Variants in CRPPA observed in about 807,000 individuals in gnomAD.
CRPPA encodes CDP-L-ribitol pyrophosphorylase A.
Under a neutral mutation model 52.0 loss-of-function variants are expected in CRPPA, and 43 were observed. The observed-to-expected ratio is 0.83, with a 90% CI of 0.65 to 1.07. The LOEUF (loss-of-function observed/expected upper bound fraction) is 1.07, where lower values mean the gene tolerates loss of function less well. CRPPA is among the 50% of genes least tolerant of loss of function. The probability of loss-of-function intolerance (pLI) is 0.00; values close to 1 mark genes in which losing one functional copy is unlikely to be tolerated. For synonymous variants in CRPPA, 250 were observed against 203.5 expected (o/e 1.23, Z -1.94); for missense variants, 629 against 551.7 (o/e 1.14, Z -1.40).
chr7:16,109,711 T>C (rs527851842), intron 9 of CRPPA, among the ~76,000 whole-genome samples: 2 of 152,078 alleles, frequency 1.3e-5, no homozygotes, highest in South Asian at 4.1e-4. Context: ...GAAAAAACCA[T>C]ATAATCTCAT....
In CRPPA at chr7:16,154,061, C is replaced by T. The variant is rs73302981; in HGVS notation, c.1251+62005G>A. ...TGGCTCTCAGGTCATCTCGTATGGT[C>T]AAGTAAACTACTAATAGGCAGTAGT... On this transcript the variant is annotated intron_variant, in intron 9 of 9. Coordinates refer to ENST00000407010, the MANE Select transcript of CRPPA (RefSeq NM_001101426.4). Among the ~76,000 whole-genome samples, 437 of 149,050 alleles carry T rather than the reference C, an allele frequency of 2.9e-3. 2 individuals carry two copies. Among genetic ancestry groups the T allele is most frequent in the African/African-American group, 0.011 (425 of 40,344 alleles).
chr7:16,154,858 A>G (rs1241661465), intron 9 of CRPPA, among the ~76,000 whole-genome samples: 1 of 148,150 alleles, frequency 6.7e-6, no homozygotes, highest in East Asian at 2.0e-4. Context: ...CCCAGGCTGG[A>G]GCGCAGTGGC....
rs892144313 is a variant in CRPPA at position 16,088,171 on chromosome 7, T to C, written c.*3524A>G. 1.3e-5 allele frequency: 2 copies of C among 152,192 alleles called. No individual in the cohort carries two copies. The highest frequency in any genetic ancestry group is 2.4e-5 in the African/African-American group (1 of 41,454). The allele number at this position is 152,192 out of a possible 1,614,324, so 9.4% of individuals were successfully genotyped here. ...ATTAATCAAACCATTACTCACGCTA[T>C]GATGAACTCCTAAGACGACTAACTT... is the stretch of plus-strand genomic sequence containing the variant. On this transcript the variant is annotated 3_prime_UTR_variant, in exon 10 of 10. Transcript: ENST00000407010.
chr7:16,244,541 A>ATT (rs1783214740), intron 8 of CRPPA, among the ~76,000 whole-genome samples: 1 of 152,206 alleles, frequency 6.6e-6, no homozygotes, highest in African/African-American at 2.4e-5. Context: ...TTTCATCAGT[A>ATT]TTGTATGCTG....
rs1256740445 is a variant in CRPPA at position 16,234,200 on chromosome 7, TG to T, written c.1120-18004del. Among the ~76,000 whole-genome samples the T allele has an allele frequency of 7.2e-5, 11 of 152,290 alleles. 1 individual carries two copies. Among genetic ancestry groups the T allele is most frequent in the African/African-American group, 2.6e-4 (11 of 41,588 alleles). On this transcript the variant is annotated intron_variant, in intron 8 of 9. Transcript: ENST00000407010. The stretch of plus-strand genomic sequence containing the variant: ...GTAGCGATCCATTTAAAATTTATTC[TG>T]GGTTAAATAAAGGATGCTATCTCCA...
At chr7:16,122,523 C>T (rs773450963) in intron 9 of CRPPA, among the ~76,000 whole-genome samples, 14 of 152,002 alleles carry the variant, frequency 9.2e-5, no homozygotes, top group Non-Finnish European at 1.0e-4. Flanking sequence ...TAAAAACATA[C>T]TCCTCTTACA....
intron 2 of CRPPA, among the ~76,000 whole-genome samples, chr7:16,386,022 G>GC (rs1191514359): frequency 6.6e-6 from 1 of 152,230 alleles, no homozygotes; most frequent in East Asian, 1.9e-4. Flanking sequence ...ATGTTAACCA[G>GC]CTCAGTGCCC....
intron 3 of CRPPA, among the ~76,000 whole-genome samples, chr7:16,370,480 C>A (rs1305546158): frequency 6.6e-6 from 1 of 152,126 alleles, no homozygotes; most frequent in Non-Finnish European, 1.5e-5. Flanking sequence ...AGTCCAGAGT[C>A]TGGTAGCCCC....
At chr7:16,275,571 G>A (rs929981141) in intron 6 of CRPPA, among the ~76,000 whole-genome samples, 2 of 152,042 alleles carry the variant, frequency 1.3e-5, no homozygotes, top group East Asian at 1.9e-4. Context: ...GGTCATGCCT[G>A]TATTTCCGCC....
chr7:16,275,173 A>T (rs1463903366), intron 6 of CRPPA, among the ~76,000 whole-genome samples: 1 of 152,210 alleles, frequency 6.6e-6, no homozygotes, highest in Non-Finnish European at 1.5e-5. Flanking sequence ...TAAACCAAGA[A>T]AGACAGAAAA....
intron 3 of CRPPA, among the ~76,000 whole-genome samples, chr7:16,348,829 T>C (rs1786078801): frequency 6.6e-6 from 1 of 152,156 alleles, no homozygotes; most frequent in Non-Finnish European, 1.5e-5. Context: ...CCCACTCTTC[T>C]TAGAGTTTAT....
At chr7:16,350,738 C>T (rs368485987) in intron 3 of CRPPA, among the ~76,000 whole-genome samples, 28 of 152,230 alleles carry the variant, frequency 1.8e-4, no homozygotes, top group African/African-American at 6.7e-4. Flanking sequence ...GACAGAATGG[C>T]ACTAGTAAGT....
chr7:16,378,491 T>G (rs1447633028), intron 2 of CRPPA, among the ~76,000 whole-genome samples: 1 of 151,982 alleles, frequency 6.6e-6, no homozygotes, highest in Non-Finnish European at 1.5e-5. Context: ...GTGCCACATT[T>G]TCTTAATCCA....
intron 5 of CRPPA, among the ~76,000 whole-genome samples, chr7:16,281,834 GTTCATTTCATCTAAATTC>G (rs1784327955): frequency 6.6e-6 from 1 of 152,074 alleles, no homozygotes; most frequent in South Asian, 2.1e-4. Flanking sequence ...CTAAGGATGT[GTTCATTTCATCTAAATTC>G]TTATTAACAG....
intron 3 of CRPPA, among the ~76,000 whole-genome samples, chr7:16,356,420 G>A (rs1786296706): frequency 6.6e-6 from 1 of 152,142 alleles, no homozygotes; most frequent in African/African-American, 2.4e-5. Flanking sequence ...GCTCTTGGAG[G>A]TGGGGGAGTA....
At chr7:16,359,168 CT>C (rs1786379320) in intron 3 of CRPPA, among the ~76,000 whole-genome samples, 1 of 152,152 alleles carries the variant, frequency 6.6e-6, no homozygotes, top group Non-Finnish European at 1.5e-5. Context: ...GTCACCCAAG[CT>C]GGAGTGCAGT....
intron 9 of CRPPA, among the ~76,000 whole-genome samples, chr7:16,103,475 G>A (rs981024741): frequency 5.3e-5 from 8 of 151,878 alleles, no homozygotes; most frequent in African/African-American, 1.7e-4. Context: ...AAATATCAAA[G>A]GTTTTAGATG....
chr7:16,192,244 C>T (rs551094205), intron 9 of CRPPA, among the ~76,000 whole-genome samples: 18 of 152,116 alleles, frequency 1.2e-4, no homozygotes, highest in African/African-American at 3.6e-4. Flanking sequence ...TTTGGGTGGA[C>T]GTGATAGTTC....
rs113331127 is a variant in CRPPA at position 16,102,637 on chromosome 7, C to T, written c.1252-10838G>A. On this transcript the variant is annotated intron_variant, in intron 9 of 9. Coordinates refer to ENST00000407010, the MANE Select transcript of CRPPA (RefSeq NM_001101426.4). The stretch of plus-strand genomic sequence containing the variant: ...AAAAAAACAAACAACTGCATTAAAA[C>T]GTGGGCAAAGGATATAAACAGACAC... Among the ~76,000 whole-genome samples, 467 of 152,076 alleles carry T rather than the reference C, an allele frequency of 3.1e-3. 3 individuals are homozygous for T. Among genetic ancestry groups the T allele is most frequent in the African/African-American group, 0.011 (451 of 41,488 alleles).
Sources: allele counts gnomAD v4.1 joint callset (sites outside exome capture counted in the v4.1 genomes callset), GRCh38; gene constraint gnomAD v4.1.1; transcripts MANE v1.5; gene names NCBI Gene and HGNC (gene_info 2026-07-23, HGNC 2026-07-21).